Variants in SMYD3 observed in about 807,000 individuals in gnomAD.
The protein encoded by SMYD3 is SET and MYND domain containing 3.
Under a neutral mutation model 57.7 loss-of-function variants are expected in SMYD3, and 36 were observed. The observed-to-expected ratio is 0.62, with a 90% CI of 0.48 to 0.82. The LOEUF (loss-of-function observed/expected upper bound fraction) is 0.82. Ranked by LOEUF, SMYD3 falls within the 40% of genes least tolerant of loss-of-function variation. The pLI is 0.00. For missense variants in SMYD3, 515 were observed against 538.8 expected (o/e 0.96, Z 0.44); for synonymous variants, 211 against 195.0 (o/e 1.08, Z -0.68).
intron 1 of SMYD3, among the ~76,000 whole-genome samples, chr1:246,496,671 T>A (rs555635460): frequency 1.3e-5 from 2 of 151,932 alleles, no homozygotes; most frequent in Admixed American, 1.3e-4. Flanking sequence ...CTACAAAAAA[T>A]ATAAAAATTA....
intron 5 of SMYD3, among the ~76,000 whole-genome samples, chr1:246,072,088 G>T (rs2060462049): frequency 1.4e-5 from 1 of 71,094 alleles, no homozygotes; most frequent in Non-Finnish European, 2.4e-5. Flanking sequence ...AGGGATTCGT[G>T]TGCTTTCCGC....
chr1:245,941,921 C>T (rs4356016), intron 5 of SMYD3, among the ~76,000 whole-genome samples: 82,165 of 152,024 alleles, frequency 0.54, 27,389 homozygotes, highest in Non-Finnish European at 0.76. Flanking sequence ...TTCACACAAG[C>T]TAATGGTGAG....
At chr1:246,091,883 A>G (rs1298285686) in intron 5 of SMYD3, among the ~76,000 whole-genome samples, 1 of 152,210 alleles carries the variant, frequency 6.6e-6, no homozygotes, top group African/African-American at 2.4e-5. Flanking sequence ...TAGCCTTTCT[A>G]TTGGGCATGA....
At chr1:246,015,085 C>T (rs2059355442) in intron 5 of SMYD3, among the ~76,000 whole-genome samples, 1 of 152,140 alleles carries the variant, frequency 6.6e-6, no homozygotes, top group African/African-American at 2.4e-5. Flanking sequence ...CCCTAAAAAT[C>T]AGTTCCTACC....
At chr1:245,920,270 G>A (rs550301633) in intron 7 of SMYD3, among the ~76,000 whole-genome samples, 14 of 133,022 alleles carry the variant, frequency 1.1e-4, no homozygotes, top group South Asian at 9.2e-4. Flanking sequence ...ACGAGATCAT[G>A]CCACTGCACT....
At chr1:246,147,680 G>T (rs996136752) in intron 5 of SMYD3, among the ~76,000 whole-genome samples, 1 of 151,860 alleles carries the variant, frequency 6.6e-6, no homozygotes, top group Non-Finnish European at 1.5e-5. Context: ...GCTGGAGATC[G>T]GAGCTTCCCT....
Position 246,152,168 on chromosome 1 carries a change from A to C in SMYD3, c.531+175033T>G, listed in dbSNP as rs373995863. On this transcript the variant is annotated intron_variant, in intron 5 of 11. Transcript: ENST00000490107. The stretch of plus-strand genomic sequence containing the variant: ...ACAAACATGAAAGTGCCTGGGTGAC[A>C]AAATAAGAGAGGCTCCCGGCAGGCA... Among the ~76,000 whole-genome samples, 3 of 152,224 alleles carry C rather than the reference A, an allele frequency of 2.0e-5. No homozygotes were observed. In the East Asian group the frequency reaches 5.8e-4, roughly 29 times the overall value.
intron 5 of SMYD3, among the ~76,000 whole-genome samples, chr1:246,053,585 G>A (rs2060097997): frequency 6.6e-6 from 1 of 152,120 alleles, no homozygotes; most frequent in South Asian, 2.1e-4. Context: ...AAAAAATGAT[G>A]CAGGAACAAC....
chr1:245,869,669 C>T (rs764044958), intron 8 of SMYD3, among the ~76,000 whole-genome samples: 10 of 152,156 alleles, frequency 6.6e-5, no homozygotes, highest in Non-Finnish European at 1.0e-4. Context: ...CCTTGAATAC[C>T]GCCCTCCCAG....
chr1:246,381,498 G>A (rs1276750581), intron 1 of SMYD3, among the ~76,000 whole-genome samples: 3 of 152,052 alleles, frequency 2.0e-5, no homozygotes, highest in Non-Finnish European at 2.9e-5. Context: ...TACACAAACC[G>A]CAATCAAGTC....
At chr1:246,120,336 A>T (rs546690100) in intron 5 of SMYD3, among the ~76,000 whole-genome samples, 2 of 152,216 alleles carry the variant, frequency 1.3e-5, no homozygotes, top group African/African-American at 4.8e-5. Flanking sequence ...TCATGCTCCA[A>T]ATTTTCATAG....
rs964665194 is a variant in SMYD3, at chr1:246,326,509, C to T, written c.531+692G>A. The T allele has an allele frequency of 3.1e-5, 17 of 552,370 alleles. No individual in the cohort carries two copies. In the African/African-American group the frequency reaches 3.1e-4, roughly 10 times the overall value. The allele number at this position is 552,370 out of a possible 1,614,324, so 34.2% of individuals were successfully genotyped here. The stretch of plus-strand genomic sequence containing the variant: ...CTTCAGGAGGCCGGGCGTGGCAGTT[C>T]GCGCCTGTAATCCCAGCACTTTGGG... On this transcript the variant is annotated intron_variant, in intron 5 of 11. Coordinates refer to ENST00000490107, the MANE Select transcript of SMYD3 (RefSeq NM_001167740.2).
At chr1:246,310,590 G>C (rs1466396029) in intron 5 of SMYD3, among the ~76,000 whole-genome samples, 1 of 148,640 alleles carries the variant, frequency 6.7e-6, no homozygotes, top group Non-Finnish European at 1.5e-5. Flanking sequence ...CAGAGCTGAA[G>C]AAACTGTACG....
intron 5 of SMYD3, among the ~76,000 whole-genome samples, chr1:246,218,059 G>A (rs543302272): frequency 2.0e-5 from 3 of 151,986 alleles, no homozygotes; most frequent in South Asian, 2.1e-4. Context: ...ACAATACAGC[G>A]ATAAAACTGA....
intron 10 of SMYD3, among the ~76,000 whole-genome samples, chr1:245,803,380 A>G (rs1440868984): frequency 1.3e-5 from 2 of 151,848 alleles, no homozygotes; most frequent in Non-Finnish European, 2.9e-5. Flanking sequence ...TACCACTACA[A>G]ACCTGGTGTT....
intron 5 of SMYD3, among the ~76,000 whole-genome samples, chr1:246,102,924 A>T (rs7530224): frequency 0.021 from 3,175 of 152,136 alleles, 139 homozygotes; most frequent in East Asian, 0.15. Context: ...CTTCACTGAC[A>T]TTCATGGCCC....
At chr1:246,396,480 G>A (rs543845098) in intron 1 of SMYD3, among the ~76,000 whole-genome samples, 12 of 152,260 alleles carry the variant, frequency 7.9e-5, no homozygotes, top group African/African-American at 2.6e-4. Context: ...CATCATCAAC[G>A]CACACTGGAC....
chr1:246,406,094 T>C (rs912301196), intron 1 of SMYD3, among the ~76,000 whole-genome samples: 2 of 137,496 alleles, frequency 1.5e-5, no homozygotes, highest in African/African-American at 2.6e-5. Context: ...TAAAATGGGA[T>C]TTTTTTTTTT....
intron 8 of SMYD3, among the ~76,000 whole-genome samples, chr1:245,910,669 T>C (rs867141658): frequency 2.6e-5 from 4 of 152,014 alleles, no homozygotes; most frequent in South Asian, 2.1e-4. Context: ...AGAAAATACA[T>C]TGAGAAAGGA....
Sources: allele counts gnomAD v4.1 joint callset (sites outside exome capture counted in the v4.1 genomes callset), GRCh38; gene constraint gnomAD v4.1.1; transcripts MANE v1.5; gene names NCBI Gene and HGNC (gene_info 2026-07-23, HGNC 2026-07-21).